Variants in CNTNAP2 observed in about 807,000 individuals in gnomAD.
The protein encoded by CNTNAP2 is contactin associated protein 2.
A neutral mutation model predicts 155.2 loss-of-function variants in CNTNAP2; 98 were observed. The ratio of observed to expected loss-of-function variants is 0.63; its 90% confidence interval spans 0.54 to 0.75. The LOEUF is 0.75. CNTNAP2 is among the 30% of genes least tolerant of loss of function. The pLI is 0.00. For synonymous variants in CNTNAP2, 651 were observed against 631.2 expected (o/e 1.03, Z -0.47); for missense variants, 1,727 against 1,688.1 (o/e 1.02, Z -0.40).
chr7:146,804,985 G>A (rs1348970904), intron 2 of CNTNAP2, among the ~76,000 whole-genome samples: 2 of 152,098 alleles, frequency 1.3e-5, no homozygotes, highest in East Asian at 3.9e-4. Flanking sequence ...GATAGTACTT[G>A]TACCACCTAC....
intron 8 of CNTNAP2, among the ~76,000 whole-genome samples, chr7:147,285,896 A>C (rs985385492): frequency 6.6e-6 from 1 of 152,084 alleles, no homozygotes; most frequent in African/African-American, 2.4e-5. Flanking sequence ...TTGGATACCA[A>C]ACTAATCTCA....
At chr7:147,362,700 C>A (rs1283880234) in intron 9 of CNTNAP2, among the ~76,000 whole-genome samples, 2 of 152,006 alleles carry the variant, frequency 1.3e-5, no homozygotes, top group East Asian at 1.9e-4. Context: ...ATATCTGTGT[C>A]CCTTCAAAAA....
At chr7:146,358,414 C>T (rs66712988) in intron 1 of CNTNAP2, among the ~76,000 whole-genome samples, 22,108 of 152,074 alleles carry the variant, frequency 0.15, 4,097 homozygotes, top group African/African-American at 0.43. Flanking sequence ...TGAAGAAACA[C>T]CTGTCTAAAA....
At chr7:147,977,190 G>A (rs1801438879) in intron 14 of CNTNAP2, among the ~76,000 whole-genome samples, 1 of 152,146 alleles carries the variant, frequency 6.6e-6, no homozygotes, top group African/African-American at 2.4e-5. Context: ...TCCTCCTTTA[G>A]GATGGATACA....
intron 8 of CNTNAP2, among the ~76,000 whole-genome samples, chr7:147,158,958 G>A (rs1801976330): frequency 6.6e-6 from 1 of 152,054 alleles, no homozygotes; most frequent in Non-Finnish European, 1.5e-5. Context: ...TATGTATAAA[G>A]GAAAGAGTAA....
rs1319011519 is a variant in CNTNAP2 at position 146,535,284 on chromosome 7, T to C, written c.98-238987T>C. Among the ~76,000 whole-genome samples, 33 of 55,570 alleles carry C rather than the reference T, an allele frequency of 5.9e-4. 6 individuals carry two copies. Among genetic ancestry groups the C allele is most frequent in the East Asian group, 1.8e-3 (3 of 1,630 alleles). The allele number at this position is 55,570 out of a possible 152,430, so 36.5% of individuals were successfully genotyped here. On this transcript the variant is annotated intron_variant, in intron 1 of 23. Transcript: ENST00000361727. Reference sequence around the variant, plus strand: ...ATATCATATATATTATATATTATATTATATAATGTATATTATATATGATAT... The same window carrying C: ...ATATCATATATATTATATATTATATCATATAATGTATATTATATATGATAT...
At chr7:148,013,282 A>G (rs1802114054) in intron 15 of CNTNAP2, 3 of 152,142 alleles carry the variant, frequency 2.0e-5, no homozygotes, top group Admixed American at 2.0e-4. Flanking sequence ...ATATCACTAA[A>G]CCTCTAAGTA....
intron 13 of CNTNAP2, among the ~76,000 whole-genome samples, chr7:147,674,383 C>A (rs1412782375): frequency 1.3e-5 from 2 of 152,122 alleles, no homozygotes; most frequent in Admixed American, 6.6e-5. Flanking sequence ...GATTTACAAA[C>A]CACTTCATTT....
chr7:147,448,697 C>T (rs6464802), intron 10 of CNTNAP2, among the ~76,000 whole-genome samples: 52,121 of 151,444 alleles, frequency 0.34, 9,200 homozygotes, highest in African/African-American at 0.41. Flanking sequence ...ATAATAGGGA[C>T]GGGGAGAGGC....
At chr7:147,043,228 C>T (rs886682834) in intron 3 of CNTNAP2, among the ~76,000 whole-genome samples, 1 of 150,956 alleles carries the variant, frequency 6.6e-6, no homozygotes, top group Non-Finnish European at 1.5e-5. Context: ...ATGTATGCCT[C>T]CCAAAAAATC....
intron 15 of CNTNAP2, among the ~76,000 whole-genome samples, chr7:147,979,478 A>C (rs968584691): frequency 6.6e-6 from 1 of 152,242 alleles, no homozygotes; most frequent in Non-Finnish European, 1.5e-5. Flanking sequence ...ATTAGCATAT[A>C]AAGGTAAAAT....
chr7:147,367,894 T>C (rs1796262467), intron 9 of CNTNAP2, among the ~76,000 whole-genome samples: 1 of 152,108 alleles, frequency 6.6e-6, no homozygotes, highest in Non-Finnish European at 1.5e-5. Flanking sequence ...CACTCTACCA[T>C]CTGTAATGGG....
At chr7:148,324,509 G>T (rs1270793526) in intron 21 of CNTNAP2, among the ~76,000 whole-genome samples, 2 of 152,082 alleles carry the variant, frequency 1.3e-5, no homozygotes, top group African/African-American at 4.8e-5. Flanking sequence ...AGAGAGTAGG[G>T]ATCTGAGGTC....
rs139521813 is a variant in CNTNAP2, at chr7:148,369,365, A to C, written c.3476-14284A>C. Among the ~76,000 whole-genome samples, 586 of 151,534 alleles carry C rather than the reference A, an allele frequency of 3.9e-3. 5 individuals are homozygous for C. Among genetic ancestry groups the C allele is most frequent in the African/African-American group, 0.014 (561 of 41,260 alleles). On this transcript the variant is annotated intron_variant, in intron 21 of 23. Coordinates refer to ENST00000361727, the MANE Select transcript of CNTNAP2 (RefSeq NM_014141.6). ...AGGGGTGTGCCACTACACCTGGCTA[A>C]TTTGTGCCACTACACCCGGCTAATT...
chr7:146,457,544 A>G (rs1422101360), intron 1 of CNTNAP2, among the ~76,000 whole-genome samples: 1 of 126,380 alleles, frequency 7.9e-6, no homozygotes, highest in Non-Finnish European at 1.6e-5. Flanking sequence ...ATAGTCACCC[A>G]GGCTGGAGTG....
intron 3 of CNTNAP2, among the ~76,000 whole-genome samples, chr7:147,038,506 G>A (rs2129253011): frequency 6.6e-6 from 1 of 152,298 alleles, no homozygotes; most frequent in South Asian, 2.1e-4. Context: ...TGTCATCGCA[G>A]ATGTGCTTAC....
chr7:148,316,478 A>C (rs147916805), intron 21 of CNTNAP2, among the ~76,000 whole-genome samples: 144 of 152,296 alleles, frequency 9.5e-4, no homozygotes, highest in African/African-American at 3.3e-3. Context: ...CTAGGAAGGA[A>C]TTATATATTT....
chr7:148,376,550 AG>A lies in CNTNAP2; in HGVS notation c.3476-7098del, dbSNP rs546219464. 4.2e-3 allele frequency among the ~76,000 whole-genome samples: 286 copies of A among 67,562 alleles called. 120 individuals carry two copies. Among genetic ancestry groups the A allele is most frequent in the Non-Finnish European group, 8.7e-3 (210 of 24,082 alleles). 44.3% of individuals were successfully genotyped at this position (67,562 alleles called of 152,430 possible). A position where few individuals can be genotyped will look rare whatever the true frequency, so the allele number is the denominator to read the frequency against. ...ATAATTAAAATTCAAAATGTGGTAG[AG>A]ACACTAGAAGGAAAAATGATTCTGC... On this transcript the variant is annotated intron_variant, in intron 21 of 23. Coordinates refer to ENST00000361727, the MANE Select transcript of CNTNAP2 (RefSeq NM_014141.6).
At chr7:147,581,911 T>A (rs1465606610) in intron 12 of CNTNAP2, among the ~76,000 whole-genome samples, 1 of 152,122 alleles carries the variant, frequency 6.6e-6, no homozygotes, top group African/African-American at 2.4e-5. Context: ...TTTATACATA[T>A]AAATAATTTG....
Sources: allele counts gnomAD v4.1 joint callset (sites outside exome capture counted in the v4.1 genomes callset), GRCh38; gene constraint gnomAD v4.1.1; transcripts MANE v1.5; gene names NCBI Gene and HGNC (gene_info 2026-07-23, HGNC 2026-07-21).